Variants in GPD2 observed in about 807,000 individuals in gnomAD.
GPD2 encodes glycerol-3-phosphate dehydrogenase, mitochondrial.
A neutral mutation model predicts 82.4 loss-of-function variants in GPD2; 54 were observed. That is an observed-to-expected ratio of 0.66 (90% CI 0.53 to 0.82). The LOEUF is 0.82. GPD2 is among the 40% of genes least tolerant of loss of function. The pLI is 0.00. For missense variants in GPD2, 748 were observed against 896.2 expected (o/e 0.83, Z 2.11); for synonymous variants, 288 against 306.1 (o/e 0.94, Z 0.62).
chr2:156,513,578 G>A, intron 6 of GPD2, 82 bp downstream of exon 6: 1 of 1,092,120 alleles, frequency 9.2e-7, no homozygotes, highest in Non-Finnish European at 1.4e-6. Flanking sequence ...TAAGGAGATA[G>A]TTTTGCATCT....
chr2:156,504,893 C>T (rs181416499), intron 3 of GPD2, among the ~76,000 whole-genome samples: 219 of 152,020 alleles, frequency 1.4e-3, no homozygotes, highest in African/African-American at 5.1e-3. Flanking sequence ...AAAATGTGAA[C>T]GTTTAAATAC....
chr2:156,571,899 T>C (rs1276751456), intron 13 of GPD2, among the ~76,000 whole-genome samples: 1 of 152,140 alleles, frequency 6.6e-6, no homozygotes, highest in Non-Finnish European at 1.5e-5. Context: ...CATAAAATAC[T>C]TTCTGTATTC....
At chr2:156,569,247 T>A (rs1687514058) in intron 10 of GPD2, 116 bp from the exon 11 acceptor site, 1 of 760,098 alleles carries the variant, frequency 1.3e-6, no homozygotes, top group Admixed American at 2.0e-5. Context: ...TTTTACACAA[T>A]CCCATGTTTG....
At chr2:156,523,670 C>CTAGATAGT (rs1553473057) in intron 6 of GPD2, among the ~76,000 whole-genome samples, 2 of 146,590 alleles carry the variant, frequency 1.4e-5, no homozygotes, top group Non-Finnish European at 3.0e-5. Flanking sequence ...AATTTCTTTT[C>CTAGATAGT]TAGATAGATA....
chr2:156,535,468 G>T (rs1195207571), intron 6 of GPD2, among the ~76,000 whole-genome samples: 1 of 150,436 alleles, frequency 6.6e-6, no homozygotes, highest in Non-Finnish European at 1.5e-5. Context: ...GAGAAAGAAA[G>T]ACCTGGGAAA....
At position 156,503,883 on chromosome 2, in the gene GPD2, C is replaced by T. The variant is rs78716967; in HGVS notation, c.275-6913C>T. On this transcript the variant is annotated intron_variant, in intron 3 of 16. Transcript: ENST00000438166. Reference sequence around the variant, plus strand: ...TTTCTATATTATTTGGATATTCTTCCTCTCTTTGAACATTGGGTATGTTTG... The same window carrying T: ...TTTCTATATTATTTGGATATTCTTCTTCTCTTTGAACATTGGGTATGTTTG... Among the ~76,000 whole-genome samples, 147 of 152,080 alleles carry T rather than the reference C, an allele frequency of 9.7e-4. 4 individuals carry two copies. The East Asian group carries it at 0.028, about 29-fold the overall frequency.
intron 8 of GPD2, among the ~76,000 whole-genome samples, chr2:156,556,771 G>A (rs887272358): frequency 2.6e-5 from 4 of 152,122 alleles, no homozygotes; most frequent in Non-Finnish European, 5.9e-5. Flanking sequence ...TCTTCTAGAT[G>A]TACATTTTGA....
chr2:156,582,307 T>C (rs1351448941), intron 16 of GPD2, among the ~76,000 whole-genome samples: 1 of 152,010 alleles, frequency 6.6e-6, no homozygotes, highest in East Asian at 1.9e-4. Context: ...AGGAATTAAA[T>C]GTAAATTACG....
intron 6 of GPD2, among the ~76,000 whole-genome samples, chr2:156,536,916 A>G (rs113718536): frequency 0.015 from 2,238 of 152,338 alleles, 63 homozygotes; most frequent in African/African-American, 0.05. Context: ...GAGGGGGTCT[A>G]TGGAGGACAC....
chr2:156,478,919 A>G (rs1683619813), intron 2 of GPD2, among the ~76,000 whole-genome samples: 1 of 152,198 alleles, frequency 6.6e-6, no homozygotes, highest in Non-Finnish European at 1.5e-5. Flanking sequence ...CTGATGTCCT[A>G]GAGAGCCACC....
At chr2:156,565,997 G>A (rs1687374244) in intron 9 of GPD2, among the ~76,000 whole-genome samples, 1 of 152,008 alleles carries the variant, frequency 6.6e-6, no homozygotes, top group Non-Finnish European at 1.5e-5. Context: ...ACATGACCAA[G>A]GGTTGAGTGG....
At chr2:156,569,000 T>TC in intron 10 of GPD2, 41 bp downstream of exon 10, 1 of 1,565,914 alleles carries the variant, frequency 6.4e-7, no homozygotes, top group Non-Finnish European at 8.7e-7. Context: ...CTTTTTTTTT[T>TC]TTTTTTGTTA....
At chr2:156,510,728 A>C (rs1207787412) in intron 3 of GPD2, 68 bp from the exon 4 acceptor site, 5 of 1,284,970 alleles carry the variant, frequency 3.9e-6, no homozygotes, top group African/African-American at 2.9e-5. Flanking sequence ...ACCCTGGAGA[A>C]GTGCCTTTAA....
intron 6 of GPD2, among the ~76,000 whole-genome samples, chr2:156,527,895 C>T (rs1190231989): frequency 6.6e-6 from 1 of 151,878 alleles, no homozygotes; most frequent in African/African-American, 2.4e-5. Context: ...TTTTATTTTC[C>T]TTAAGAAGGT....
At chr2:156,445,023 A>G (rs1046342627) in intron 1 of GPD2, among the ~76,000 whole-genome samples, 3 of 152,222 alleles carry the variant, frequency 2.0e-5, no homozygotes, top group Non-Finnish European at 4.4e-5. Context: ...TGCTGGGATT[A>G]CAGGCATGAG....
chr2:156,558,509 C>G (rs1314142649), intron 9 of GPD2, among the ~76,000 whole-genome samples: 13 of 152,156 alleles, frequency 8.5e-5, no homozygotes. Context: ...CTGATCATCA[C>G]TTTTCTGCAC....
chr2:156,556,212 G>A (rs1686957101), intron 8 of GPD2, among the ~76,000 whole-genome samples: 1 of 152,114 alleles, frequency 6.6e-6, no homozygotes, highest in Admixed American at 6.5e-5. Flanking sequence ...TGTAAGAGGA[G>A]TTTCTTGAAA....
the GPD2 span, among the ~76,000 whole-genome samples, chr2:156,426,307 C>T: frequency 2.0e-5 from 3 of 152,180 alleles, no homozygotes; most frequent in African/African-American, 7.2e-5. Context: ...CTTACAATCA[C>T]GGCAGAAGGT....
intron 3 of GPD2, among the ~76,000 whole-genome samples, chr2:156,505,730 A>G (rs577849068): frequency 1.3e-5 from 2 of 152,306 alleles, no homozygotes; most frequent in African/African-American, 4.8e-5. Context: ...ATTATTTTTT[A>G]TGCCCTTCAG....
Sources: gnomAD v4.1 joint callset for allele counts (sites outside exome capture counted in the v4.1 genomes callset) on GRCh38, gnomAD v4.1.1 for gene constraint, MANE v1.5 for transcripts, NCBI Gene and HGNC (gene_info 2026-07-23, HGNC 2026-07-21) for gene names.